Variants in GPR158 observed in about 807,000 individuals in gnomAD.
GPR158 encodes the protein metabotropic glycine receptor.
A neutral mutation model predicts 78.2 loss-of-function variants in GPR158; 30 were observed. That is an observed-to-expected ratio of 0.38 (90% CI 0.29 to 0.52). The LOEUF (loss-of-function observed/expected upper bound fraction) is 0.52, where lower values mean the gene tolerates loss of function less well. GPR158 is among the 20% of genes least tolerant of loss of function. The pLI is 0.83. For missense variants in GPR158, 1,463 were observed against 1,523.5 expected (o/e 0.96, Z 0.66); for synonymous variants, 581 against 591.1 (o/e 0.98, Z 0.25).
At chr10:25,431,392 C>A (rs1325289339) in intron 4 of GPR158, among the ~76,000 whole-genome samples, 17 of 147,742 alleles carry the variant, frequency 1.2e-4, no homozygotes, top group Non-Finnish European at 1.5e-5. Flanking sequence ...GAAATAGGAA[C>A]ACTTTTACAC....
At chr10:25,529,128 C>G (rs1298443899) in intron 5 of GPR158, among the ~76,000 whole-genome samples, 6 of 152,152 alleles carry the variant, frequency 3.9e-5, no homozygotes, top group Non-Finnish European at 5.9e-5. Context: ...GTGGCTCACG[C>G]GTGTAATCCC....
At chr10:25,450,305 G>A (rs1029805220) in intron 4 of GPR158, among the ~76,000 whole-genome samples, 4 of 151,818 alleles carry the variant, frequency 2.6e-5, no homozygotes, top group Non-Finnish European at 4.4e-5. Context: ...AGAGCTGAGG[G>A]GCAAGCCGGG....
chr10:25,230,746 T>A (rs11014447), intron 2 of GPR158, among the ~76,000 whole-genome samples: 20,958 of 152,156 alleles, frequency 0.14, 1,875 homozygotes, highest in East Asian at 0.29. Flanking sequence ...AATAATCAGA[T>A]TTTTTTAAAA....
chr10:25,565,582 C>T (rs758039204), intron 6 of GPR158, among the ~76,000 whole-genome samples: 4 of 152,010 alleles, frequency 2.6e-5, no homozygotes, highest in Non-Finnish European at 4.4e-5. Flanking sequence ...AATACTGTAA[C>T]TGAAAAAAGT....
chr10:25,469,580 C>T (rs1342879581), intron 5 of GPR158, among the ~76,000 whole-genome samples: 1 of 151,896 alleles, frequency 6.6e-6, no homozygotes, highest in Non-Finnish European at 1.5e-5. Flanking sequence ...GTCAGGAGAT[C>T]GAGACCATCC....
chr10:25,475,676 T>A (rs1424541427), intron 5 of GPR158: 2 of 152,140 alleles, frequency 1.3e-5, no homozygotes, highest in Admixed American at 1.3e-4. Flanking sequence ...TCTAATAATT[T>A]GTTGGTATAA....
chr10:25,478,806 C>T (rs1469865919), intron 5 of GPR158, among the ~76,000 whole-genome samples: 1 of 140,408 alleles, frequency 7.1e-6, no homozygotes. Context: ...CCCCCCACCC[C>T]ACGACAGGCC....
chr10:25,558,672 C>T (rs1206659246), intron 6 of GPR158, among the ~76,000 whole-genome samples: 2 of 152,238 alleles, frequency 1.3e-5, no homozygotes, highest in Non-Finnish European at 2.9e-5. Flanking sequence ...TTTGTACATG[C>T]TCAGTCCAAA....
At chr10:25,569,025 A>G (rs555709532) in intron 6 of GPR158, among the ~76,000 whole-genome samples, 1 of 152,312 alleles carries the variant, frequency 6.6e-6, no homozygotes, top group East Asian at 1.9e-4. Flanking sequence ...AATCCTAGAA[A>G]AATACATCTT....
chr10:25,214,063 C>T (rs1401674586), intron 1 of GPR158, among the ~76,000 whole-genome samples: 3 of 151,136 alleles, frequency 2.0e-5, no homozygotes, highest in South Asian at 4.2e-4. Context: ...GGTGAGATCT[C>T]GGCTCACTGC....
At chr10:25,571,902 CA>C (rs928165838) in intron 6 of GPR158, among the ~76,000 whole-genome samples, 2 of 151,994 alleles carry the variant, frequency 1.3e-5, no homozygotes, top group African/African-American at 4.8e-5. Flanking sequence ...CTTAGTCTAC[CA>C]AATGTTTAAA....
rs749358424 is a variant in GPR158 at position 25,598,489 on chromosome 10, G to C, written c.2863G>C (p.Asp955His). The C allele has an allele frequency of 3.7e-6, 6 of 1,614,032 alleles. No homozygotes were observed. Among genetic ancestry groups the C allele is most frequent in the East Asian group, 2.2e-5 (1 of 44,868 alleles). Residue 955 changes from aspartate to histidine, a missense_variant, in exon 11 of 11, where the codon GAT becomes CAT. Asp to His is a moderately conservative substitution (Grantham distance 81). Coordinates refer to ENST00000376351, the MANE Select transcript of GPR158 (RefSeq NM_020752.3). ...AAATTCTGATAACACAGAGACTAAAGATCCTGCCCCCCAAAACTCAAATCC... is the reference window on the plus strand; with the variant it reads ...AAATTCTGATAACACAGAGACTAAACATCCTGCCCCCCAAAACTCAAATCC... ...HSNSDNTETK[D>H]PAPQNSNPAE...
chr10:25,516,764 G>C (rs779430477), intron 5 of GPR158, among the ~76,000 whole-genome samples: 2 of 106,820 alleles, frequency 1.9e-5, no homozygotes, highest in African/African-American at 8.6e-5. Context: ...TGCTGTTTTG[G>C]TTACTGTAGC....
At chr10:25,330,452 TTTA>T (rs1247867983) in intron 2 of GPR158, among the ~76,000 whole-genome samples, 9 of 152,138 alleles carry the variant, frequency 5.9e-5, no homozygotes, top group Non-Finnish European at 1.0e-4. Flanking sequence ...CTTTGGATAG[TTTA>T]TTAAGTAGTG....
intron 2 of GPR158, among the ~76,000 whole-genome samples, chr10:25,259,216 A>T (rs2130731774): frequency 6.6e-6 from 1 of 152,316 alleles, no homozygotes; most frequent in African/African-American, 2.4e-5. Context: ...CCATTGTGGC[A>T]TAAAAGCAGC....
At chr10:25,376,417 A>T (rs1834080335) in intron 2 of GPR158, among the ~76,000 whole-genome samples, 1 of 151,488 alleles carries the variant, frequency 6.6e-6, no homozygotes, top group South Asian at 2.1e-4. Context: ...TTACAAATTG[A>T]TTTCTAATTA....
Position 25,586,390 on chromosome 10 carries a change from A to ATTTTTTTTTT in GPR158, c.1754-2617_1754-2616insTTTTTTTTTT, listed in dbSNP as rs1564498202. Among the ~76,000 whole-genome samples, 11 of 130,942 alleles carry ATTTTTTTTTT rather than the reference A, an allele frequency of 8.4e-5. 5 individuals carry two copies. The highest frequency in any genetic ancestry group is 9.7e-5 in the Non-Finnish European group (6 of 61,846). 85.9% of individuals were successfully genotyped at this position (130,942 alleles called of 152,430 possible). On this transcript the variant is annotated intron_variant, in intron 7 of 10. Transcript: ENST00000376351. ...CCAGGGTTGTAAGTAGGTATGTGTG[A>ATTTTTTTTTT]ATTTTTTTTTTTTTTTTTTTTTTTT... is the stretch of plus-strand genomic sequence containing the variant.
chr10:25,584,708 C>T (rs1837245100), intron 7 of GPR158, among the ~76,000 whole-genome samples: 1 of 152,162 alleles, frequency 6.6e-6, no homozygotes. Flanking sequence ...AGGCACAGTA[C>T]CACAAACTCA....
At chr10:25,257,650 T>C (rs1853908310) in intron 2 of GPR158, among the ~76,000 whole-genome samples, 1 of 152,228 alleles carries the variant, frequency 6.6e-6, no homozygotes. Context: ...CAAACATTTT[T>C]CTTCCCTATT....
Sources: allele counts gnomAD v4.1 joint callset (sites outside exome capture counted in the v4.1 genomes callset), GRCh38; gene constraint gnomAD v4.1.1; transcripts MANE v1.5; gene names NCBI Gene and HGNC (gene_info 2026-07-23, HGNC 2026-07-21).